The following RARB variants were observed in gnomAD, a reference collection of about 807,000 sequenced individuals.
RARB encodes the protein HBV-activated protein.
RARB carries 17 observed loss-of-function variants against 51.9 expected under a neutral mutation model. The observed-to-expected ratio is 0.33, with a 90% CI of 0.22 to 0.49. The LOEUF (loss-of-function observed/expected upper bound fraction) is 0.49. RARB is among the 20% of genes least tolerant of loss of function. The pLI is 0.99. For missense variants in RARB, 369 were observed against 550.8 expected, an observed-to-expected ratio of 0.67 and a Z score of 3.30; for synonymous variants, 215 against 195.4, an observed-to-expected ratio of 1.10 and a Z score of -0.84.
intron 5 of RARB, among the ~76,000 whole-genome samples, chr3:25,198,445 C>A (rs1307978861): frequency 6.6e-6 from 1 of 152,046 alleles, no homozygotes; most frequent in African/African-American, 2.4e-5. Flanking sequence ...AGTTAAACTT[C>A]TGCACAGAAG....
chr3:25,358,074 ATTG>A (rs1348312134), intron 5 of RARB, among the ~76,000 whole-genome samples: 5 of 152,192 alleles, frequency 3.3e-5, no homozygotes. Flanking sequence ...TGGGAATAAC[ATTG>A]AATCTATCAC....
At chr3:25,474,074 A>G (rs1253571963) in intron 2 of RARB, among the ~76,000 whole-genome samples, 1 of 152,180 alleles carries the variant, frequency 6.6e-6, no homozygotes, top group Non-Finnish European at 1.5e-5. Context: ...AAGGATTTTC[A>G]TGGTTAAACA....
chr3:25,286,500 C>A (rs766066793), intron 5 of RARB, among the ~76,000 whole-genome samples: 25 of 152,200 alleles, frequency 1.6e-4, no homozygotes, highest in Non-Finnish European at 3.5e-4. Flanking sequence ...CCTCTCCAGA[C>A]TTTCTTCTTC....
intron 5 of RARB, among the ~76,000 whole-genome samples, chr3:25,322,237 C>T (rs1280453070): frequency 6.6e-6 from 1 of 152,042 alleles, no homozygotes; most frequent in African/African-American, 2.4e-5. Flanking sequence ...AAGCAAGCTT[C>T]CTACCTCATT....
At chr3:25,116,414 C>T (rs1699688140) in intron 3 of RARB, among the ~76,000 whole-genome samples, 1 of 127,534 alleles carries the variant, frequency 7.8e-6, no homozygotes, top group Non-Finnish European at 1.7e-5. Context: ...CAAACAGAAA[C>T]ATCTTATTAA....
At chr3:25,497,206 C>G (rs1415309169) in intron 2 of RARB, among the ~76,000 whole-genome samples, 1 of 152,162 alleles carries the variant, frequency 6.6e-6, no homozygotes, top group Non-Finnish European at 1.5e-5. Flanking sequence ...CTTAAGACTT[C>G]TAGCCACAAT....
intron 1 of RARB, among the ~76,000 whole-genome samples, chr3:25,456,852 T>A (rs1220342471): frequency 6.6e-6 from 1 of 151,730 alleles, no homozygotes; most frequent in Non-Finnish European, 1.5e-5. Flanking sequence ...TTTATGGCAT[T>A]TGCAGGATTC....
At chr3:24,832,088 A>G (rs971427964) in intron 1 of RARB, among the ~76,000 whole-genome samples, 1 of 152,210 alleles carries the variant, frequency 6.6e-6, no homozygotes, top group Admixed American at 6.5e-5. Flanking sequence ...CCTTAGGGAC[A>G]TTTGTGAAAA....
chr3:24,981,958 G>A (rs893587792), intron 2 of RARB, among the ~76,000 whole-genome samples: 1 of 152,208 alleles, frequency 6.6e-6, no homozygotes. Flanking sequence ...TGAGTGTCTT[G>A]AAAAGGAGTG....
chr3:25,017,215 C>A (rs182609666), intron 2 of RARB, among the ~76,000 whole-genome samples: 1,558 of 147,592 alleles, frequency 0.011, 15 homozygotes, highest in Non-Finnish European at 0.013. Context: ...CTAGCTTTCC[C>A]CCCCCCTTTC....
chr3:25,145,997 T>TC (rs1700182642), intron 4 of RARB, among the ~76,000 whole-genome samples: 1 of 139,998 alleles, frequency 7.1e-6, no homozygotes, highest in African/African-American at 2.7e-5. Flanking sequence ...GAGTAAAACT[T>TC]CATCTAAAAA....
intron 3 of RARB, among the ~76,000 whole-genome samples, chr3:25,552,686 C>T (rs7632213): frequency 0.017 from 2,586 of 152,238 alleles, 78 homozygotes; most frequent in African/African-American, 0.059. Flanking sequence ...GGAGATAATA[C>T]TGCACCCGTC....
intron 5 of RARB, among the ~76,000 whole-genome samples, chr3:25,331,182 A>G (rs559920440): frequency 7.2e-5 from 11 of 152,224 alleles, no homozygotes; most frequent in Non-Finnish European, 1.5e-4. Context: ...GACCTAATAA[A>G]CATCTACAGA....
intron 5 of RARB, among the ~76,000 whole-genome samples, chr3:25,418,376 A>G (rs1256905191): frequency 1.3e-5 from 2 of 152,204 alleles, no homozygotes; most frequent in Non-Finnish European, 1.5e-5. Context: ...CTCATAAATT[A>G]TTGCATTTAA....
At chr3:24,991,143 T>C (rs1195887525) in intron 2 of RARB, among the ~76,000 whole-genome samples, 1 of 152,190 alleles carries the variant, frequency 6.6e-6, no homozygotes, top group East Asian at 1.9e-4. Flanking sequence ...TAATTATCTG[T>C]TAAAAAGAAA....
chr3:25,560,039 A>G (rs903662971), intron 3 of RARB, among the ~76,000 whole-genome samples: 3 of 152,234 alleles, frequency 2.0e-5, no homozygotes, highest in African/African-American at 7.2e-5. Flanking sequence ...GTTATAGTTA[A>G]TTGACTAATC....
intron 5 of RARB, among the ~76,000 whole-genome samples, chr3:25,205,805 C>T (rs1701525843): frequency 6.6e-6 from 1 of 151,620 alleles, no homozygotes; most frequent in Non-Finnish European, 1.5e-5. Context: ...TGCAGTGGTG[C>T]AATTATGGCT....
chr3:24,957,225 T>C (rs1257530497), intron 2 of RARB, among the ~76,000 whole-genome samples: 1 of 152,182 alleles, frequency 6.6e-6, no homozygotes, highest in Non-Finnish European at 1.5e-5. Flanking sequence ...CCTAGTTGTT[T>C]CCAAATATAT....
intron 2 of RARB, among the ~76,000 whole-genome samples, chr3:25,024,408 C>G (rs1433180739): frequency 6.6e-6 from 1 of 152,082 alleles, no homozygotes; most frequent in African/African-American, 2.4e-5. Flanking sequence ...GTTGTGCTTT[C>G]TAATTCATAT....
Sources: gnomAD v4.1 joint callset for allele counts (sites outside exome capture counted in the v4.1 genomes callset) on GRCh38, gnomAD v4.1.1 for gene constraint, MANE v1.5 for transcripts, NCBI Gene and HGNC (gene_info 2026-07-23, HGNC 2026-07-21) for gene names.